The following GPATCH2 variants were observed in gnomAD, a reference collection of about 807,000 sequenced individuals.
The protein encoded by GPATCH2 is G-patch domain containing 2.
GPATCH2 carries 51 observed loss-of-function variants against 58.0 expected under a neutral mutation model. The ratio of observed to expected loss-of-function variants is 0.88; its 90% CI spans 0.70 to 1.11. The LOEUF (loss-of-function observed/expected upper bound fraction) is 1.11. Ranked by LOEUF, GPATCH2 falls within the 50% of genes most tolerant of loss-of-function variation. The pLI, the probability that GPATCH2 is intolerant of heterozygous loss-of-function variation, is 0.00. For missense variants in GPATCH2, 625 were observed against 652.2 expected (o/e 0.96, Z 0.45); for synonymous variants, 222 against 218.5 (o/e 1.02, Z -0.14).
intron 5 of GPATCH2, among the ~76,000 whole-genome samples, chr1:217,576,580 T>G (rs1250080572): frequency 6.6e-6 from 1 of 152,190 alleles, no homozygotes; most frequent in Non-Finnish European, 1.5e-5. Flanking sequence ...CTAAATGAAT[T>G]CTGCTATAAC....
chr1:217,513,504 A>T (rs1662957972), intron 6 of GPATCH2, among the ~76,000 whole-genome samples: 1 of 152,208 alleles, frequency 6.6e-6, no homozygotes, highest in African/African-American at 2.4e-5. Flanking sequence ...TTCAATAATT[A>T]ATTCATGTCT....
At chr1:217,599,299 C>T (rs554290991) in intron 5 of GPATCH2, among the ~76,000 whole-genome samples, 7 of 152,182 alleles carry the variant, frequency 4.6e-5, no homozygotes, top group African/African-American at 1.7e-4. Context: ...TGTTTACTTG[C>T]AGTTATGTGT....
intron 5 of GPATCH2, among the ~76,000 whole-genome samples, chr1:217,561,883 A>G (rs1186463906): frequency 1.3e-5 from 2 of 152,188 alleles, no homozygotes; most frequent in Non-Finnish European, 2.9e-5. Flanking sequence ...GGCAATGGCA[A>G]GCCCTTAAGG....
intron 5 of GPATCH2, among the ~76,000 whole-genome samples, chr1:217,599,805 C>T (rs936084140): frequency 6.6e-6 from 1 of 151,952 alleles, no homozygotes; most frequent in Non-Finnish European, 1.5e-5. Context: ...ATATAAAATA[C>T]TTTTGTGAAT....
intron 5 of GPATCH2, among the ~76,000 whole-genome samples, chr1:217,587,387 C>A (rs1667389150): frequency 6.6e-6 from 1 of 152,040 alleles, no homozygotes; most frequent in South Asian, 2.1e-4. Context: ...CCATATCCTA[C>A]AAAATGACTA....
intron 5 of GPATCH2, among the ~76,000 whole-genome samples, chr1:217,591,363 G>A (rs2102768080): frequency 6.6e-6 from 1 of 152,090 alleles, no homozygotes; most frequent in South Asian, 2.1e-4. Context: ...CGTTTTGCTT[G>A]AAAATAGTAA....
intron 5 of GPATCH2, among the ~76,000 whole-genome samples, chr1:217,578,126 A>T: frequency 7.2e-6 from 1 of 138,968 alleles, no homozygotes; most frequent in African/African-American, 2.6e-5. Context: ...GGCAAATTTG[A>T]TTTAATGGCT....
chr1:217,603,594 TCAAAATAGAGAATTTA>T (rs1668211508), intron 5 of GPATCH2, among the ~76,000 whole-genome samples: 5 of 152,202 alleles, frequency 3.3e-5, no homozygotes, highest in Admixed American at 2.0e-4. Context: ...GTAAATGACA[TCAAAATAGAGAATTTA>T]TTTATTTATT....
intron 5 of GPATCH2, among the ~76,000 whole-genome samples, chr1:217,575,845 T>C (rs745479342): frequency 6.6e-6 from 1 of 150,918 alleles, no homozygotes; most frequent in Non-Finnish European, 1.5e-5. Flanking sequence ...AATAGCTTCA[T>C]TTTTTAGCCC....
At chr1:217,464,318 G>T (rs545834921) in intron 8 of GPATCH2, among the ~76,000 whole-genome samples, 1 of 152,098 alleles carries the variant, frequency 6.6e-6, no homozygotes, top group South Asian at 2.1e-4. Context: ...TAAACTATTG[G>T]CAGCTATGAG....
intron 5 of GPATCH2, among the ~76,000 whole-genome samples, chr1:217,559,958 C>G (rs1191810498): frequency 6.6e-6 from 1 of 152,170 alleles, no homozygotes; most frequent in African/African-American, 2.4e-5. Flanking sequence ...AAGCGATTCT[C>G]CTGCCTCAGC....
At chr1:217,598,269 T>A (rs765613242) in intron 5 of GPATCH2, among the ~76,000 whole-genome samples, 5 of 151,882 alleles carry the variant, frequency 3.3e-5, no homozygotes, top group Non-Finnish European at 7.4e-5. Context: ...ATGCCTGTAA[T>A]CCCAGCTACT....
intron 5 of GPATCH2, among the ~76,000 whole-genome samples, chr1:217,561,970 A>C (rs1665949810): frequency 6.6e-6 from 1 of 152,178 alleles, no homozygotes; most frequent in Non-Finnish European, 1.5e-5. Context: ...TTCAAGGAAG[A>C]ATATCTCTCT....
intron 8 of GPATCH2, among the ~76,000 whole-genome samples, chr1:217,472,817 G>A (rs77436152): frequency 0.018 from 2,744 of 152,248 alleles, 87 homozygotes; most frequent in African/African-American, 0.061. Flanking sequence ...CGTTCTCCAC[G>A]TTTTCTCACC....
intron 7 of GPATCH2, among the ~76,000 whole-genome samples, chr1:217,492,243 C>A (rs572930562): frequency 6.6e-6 from 1 of 152,014 alleles, no homozygotes; most frequent in African/African-American, 2.4e-5. Flanking sequence ...ACCTACTGGC[C>A]TAACATGGTA....
chr1:217,518,444 T>C lies in GPATCH2; in HGVS notation c.1099-3555A>G, dbSNP rs754576156. 3.7e-4 allele frequency among the ~76,000 whole-genome samples: 56 copies of C among 152,204 alleles called. 1 individual carries two copies. The highest frequency in any genetic ancestry group is 7.3e-5 in the Non-Finnish European group (5 of 68,030). ...TCTTATTCTTTTTGTCCCTGATGTA[T>C]TGATACCAATTTTATAATTTTGCTT... On this transcript the variant is annotated intron_variant, in intron 5 of 9. Transcript: ENST00000366935.
At chr1:217,475,499 G>T (rs1660928200) in intron 8 of GPATCH2, among the ~76,000 whole-genome samples, 1 of 152,074 alleles carries the variant, frequency 6.6e-6, no homozygotes, top group South Asian at 2.1e-4. Flanking sequence ...TCTTGGAAAT[G>T]AAAAGAGTAA....
chr1:217,483,587 A>G lies in GPATCH2; in HGVS notation c.1277+8093T>C, dbSNP rs553222140. ...TTTTAAGTATTCACGTGGAATGCAT[A>G]GTAGGTCTATGTTTAACATTTTAGG... On this transcript the variant is annotated intron_variant, in intron 8 of 9. Transcript: ENST00000366935. Among the ~76,000 whole-genome samples the G allele has an allele frequency of 2.3e-3, 346 of 152,308 alleles. 1 individual carries two copies. Among genetic ancestry groups the G allele is most frequent in the Non-Finnish European group, 3.5e-3 (240 of 68,026 alleles).
chr1:217,531,932 C>A (rs1300545430), intron 5 of GPATCH2, among the ~76,000 whole-genome samples: 1 of 152,162 alleles, frequency 6.6e-6, no homozygotes, highest in East Asian at 1.9e-4. Context: ...AACTGGAAAT[C>A]ACCAATTATT....
Sources: gnomAD v4.1 joint callset for allele counts (sites outside exome capture counted in the v4.1 genomes callset) on GRCh38, gnomAD v4.1.1 for gene constraint, MANE v1.5 for transcripts, NCBI Gene and HGNC (gene_info 2026-07-23, HGNC 2026-07-21) for gene names.